The following ARSJ variants were observed in gnomAD, a reference collection of about 807,000 sequenced individuals.
ARSJ encodes arylsulfatase J.
A neutral mutation model predicts 35.9 loss-of-function variants in ARSJ; 26 were observed. The observed-to-expected ratio is 0.72, with a 90% CI of 0.53 to 1.00. The LOEUF (loss-of-function observed/expected upper bound fraction) is 1.00. Among genes scored for constraint, ARSJ ranks in the 50% least tolerant of loss-of-function variants. ARSJ has a pLI of 0.00. For synonymous variants in ARSJ, 294 were observed against 267.6 expected (o/e 1.10, Z -0.96); for missense variants, 667 against 723.6 (o/e 0.92, Z 0.90).
At chr4:113,971,677 C>G (rs1727258047) in intron 1 of ARSJ, among the ~76,000 whole-genome samples, 1 of 152,100 alleles carries the variant, frequency 6.6e-6, no homozygotes, top group African/African-American at 2.4e-5. Flanking sequence ...CTTGTTTTTC[C>G]TGAACTTCTA....
chr4:113,947,349 A>G (rs1725553513), intron 1 of ARSJ, among the ~76,000 whole-genome samples: 1 of 151,850 alleles, frequency 6.6e-6, no homozygotes, highest in African/African-American at 2.4e-5. Flanking sequence ...GTATCTTGGC[A>G]TGCACCTGTG....
intron 1 of ARSJ, among the ~76,000 whole-genome samples, chr4:113,956,959 G>A (rs1726220728): frequency 6.6e-6 from 1 of 151,976 alleles, no homozygotes; most frequent in African/African-American, 2.4e-5. Flanking sequence ...CAATTCCGGT[G>A]GCTTAATGTG....
intron 1 of ARSJ, among the ~76,000 whole-genome samples, chr4:113,920,042 A>C (rs1042284662): frequency 1.3e-5 from 2 of 152,062 alleles, no homozygotes; most frequent in Non-Finnish European, 2.9e-5. Flanking sequence ...CTATCCCTTC[A>C]CATTTTAATA....
In ARSJ at chr4:113,931,678, T is replaced by C. The variant is rs189995269; in HGVS notation, c.399-28003A>G. Among the ~76,000 whole-genome samples, 156 of 152,204 alleles carry C rather than the reference T, an allele frequency of 1.0e-3. 1 individual carries two copies. The highest frequency in any genetic ancestry group is 3.5e-3 in the African/African-American group (145 of 41,562). On this transcript the variant is annotated intron_variant, in intron 1 of 1. Coordinates refer to ENST00000315366, the MANE Select transcript of ARSJ (RefSeq NM_024590.4). ...AGCCTTACGTGCAGGCAGGACCTCA[T>C]GTCAAGGGGCTCAGGGTATTTGCAA...
intron 1 of ARSJ, among the ~76,000 whole-genome samples, chr4:113,949,433 CTA>C (rs1037805763): frequency 6.6e-6 from 1 of 152,134 alleles, no homozygotes; most frequent in Non-Finnish European, 1.5e-5. Flanking sequence ...GTACCAGAGA[CTA>C]TCTCTTTCCT....
intron 1 of ARSJ, among the ~76,000 whole-genome samples, chr4:113,916,805 T>C (rs1261019551): frequency 6.6e-6 from 1 of 152,210 alleles, no homozygotes; most frequent in East Asian, 1.9e-4. Context: ...TATGGAGGAA[T>C]GCAAAGAAAT....
chr4:113,934,793 C>G (rs1724667417), intron 1 of ARSJ, among the ~76,000 whole-genome samples: 2 of 151,564 alleles, frequency 1.3e-5, no homozygotes, highest in Admixed American at 6.6e-5. Flanking sequence ...CACATGTAGT[C>G]TGAAAATATG....
chr4:113,902,403 C>G lies in ARSJ; in HGVS notation c.1671G>C (p.Glu557Asp), dbSNP rs2099667358. Residue 557 changes from glutamate to aspartate, a missense_variant, in exon 2 of 2, where the codon GAG becomes GAC. Transcript: ENST00000315366. ...TGCTTGGCTTCTTTTTCTTGGTTTC[C>G]TCTTTATACCATGGTCCCCAGACCC... ...NGGVWGPWYK[E>D]ETKKKKPSKN... 1 of 1,613,542 alleles carries G rather than the reference C, an allele frequency of 6.2e-7. No homozygotes were observed. Among genetic ancestry groups the G allele is most frequent in the Non-Finnish European group, 8.5e-7 (1 of 1,179,896 alleles).
intron 1 of ARSJ, among the ~76,000 whole-genome samples, chr4:113,916,361 T>C (rs1156568097): frequency 6.6e-6 from 1 of 152,128 alleles, no homozygotes; most frequent in African/African-American, 2.4e-5. Flanking sequence ...GTCTTTTCAT[T>C]TATAAAGGCG....
At chr4:113,909,418 T>G (rs1490771529) in intron 1 of ARSJ, among the ~76,000 whole-genome samples, 1 of 152,162 alleles carries the variant, frequency 6.6e-6, no homozygotes, top group East Asian at 1.9e-4. Context: ...ACCTCTAATA[T>G]GGTTTGGCTG....
At chr4:113,973,780 G>A (rs1362645818) in intron 1 of ARSJ, among the ~76,000 whole-genome samples, 1 of 152,090 alleles carries the variant, frequency 6.6e-6, no homozygotes, top group Non-Finnish European at 1.5e-5. Flanking sequence ...ATTTGCATCT[G>A]TACATCTATA....
chr4:113,978,038 A>C (rs1250257955), intron 1 of ARSJ, among the ~76,000 whole-genome samples: 3 of 152,210 alleles, frequency 2.0e-5, no homozygotes, highest in African/African-American at 7.2e-5. Context: ...CAAGAGTAAA[A>C]AAAATTTTTG....
chr4:113,972,705 C>T (rs1257682278), intron 1 of ARSJ, among the ~76,000 whole-genome samples: 1 of 152,162 alleles, frequency 6.6e-6, no homozygotes, highest in African/African-American at 2.4e-5. Flanking sequence ...CACAGGGTCT[C>T]ACTATGTTGT....
rs537907407 is a variant in ARSJ at position 113,938,488 on chromosome 4, T to C, written c.399-34813A>G. Among the ~76,000 whole-genome samples the C allele has an allele frequency of 5.1e-4, 78 of 152,140 alleles. 1 individual carries two copies. Among genetic ancestry groups the C allele is most frequent in the African/African-American group, 1.6e-3 (65 of 41,524 alleles). ...TAGGACATAGGCATGGGCAAAGATTTCATGATGAAAACATCAAAAACAATT... is the reference window on the plus strand; with the variant it reads ...TAGGACATAGGCATGGGCAAAGATTCCATGATGAAAACATCAAAAACAATT... On this transcript the variant is annotated intron_variant, in intron 1 of 1. Transcript: ENST00000315366.
intron 1 of ARSJ, among the ~76,000 whole-genome samples, chr4:113,950,857 C>G (rs1433838308): frequency 6.6e-6 from 1 of 152,002 alleles, no homozygotes; most frequent in African/African-American, 2.4e-5. Flanking sequence ...AGGCAGCACC[C>G]TATTCTTAAA....
chr4:113,974,087 C>T lies in ARSJ; in HGVS notation c.398+4350G>A, dbSNP rs78891028. Among the ~76,000 whole-genome samples the T allele has an allele frequency of 9.9e-3, 1,512 of 152,110 alleles. 26 individuals are homozygous for T. Among genetic ancestry groups the T allele is most frequent in the African/African-American group, 0.035 (1,447 of 41,524 alleles). On this transcript the variant is annotated intron_variant, in intron 1 of 1. Coordinates refer to ENST00000315366, the MANE Select transcript of ARSJ (RefSeq NM_024590.4). ...ACAGTGTGGGTCAAATGGGTATACA[C>T]ATGGAAAAAATAATCTTGAACTCTC... is the stretch of plus-strand genomic sequence containing the variant.
At position 113,902,362 on chromosome 4, in the gene ARSJ, T is replaced by C; in HGVS notation, c.1712A>G (p.Lys571Arg). 1 of 1,613,780 alleles carries C rather than the reference T, an allele frequency of 6.2e-7. No individual in the cohort carries two copies. Among genetic ancestry groups the C allele is most frequent in the Non-Finnish European group, 8.5e-7 (1 of 1,179,864 alleles). Residue 571 changes from lysine to arginine, a missense_variant, in exon 2 of 2, where the codon AAA becomes AGA. Coordinates refer to ENST00000315366, the MANE Select transcript of ARSJ (RefSeq NM_024590.4). ...CTTTTTTTTGCTTTTCTTTTGCTTTTTCTCAGCCTGATTTTTGCTTGGCTT... is the reference window on the plus strand; with the variant it reads ...CTTTTTTTTGCTTTTCTTTTGCTTTCTCTCAGCCTGATTTTTGCTTGGCTT... ...KKKPSKNQAE[K>R]KQKKSKKKKK... is the part of the protein sequence containing the mutation.
intron 1 of ARSJ, among the ~76,000 whole-genome samples, chr4:113,951,947 AGTTTATT>A (rs952872101): frequency 6.6e-6 from 1 of 152,124 alleles, no homozygotes; most frequent in Middle Eastern, 3.4e-3. Flanking sequence ...CTTATCATTC[AGTTTATT>A]TTTTTTCTGA....
intron 1 of ARSJ, among the ~76,000 whole-genome samples, chr4:113,963,852 A>G (rs1307429400): frequency 1.3e-5 from 2 of 152,190 alleles, no homozygotes; most frequent in East Asian, 3.9e-4. Flanking sequence ...TATACATTTA[A>G]CCTTGGGAGT....
Sources: gnomAD v4.1 joint callset for allele counts (sites outside exome capture counted in the v4.1 genomes callset) on GRCh38, gnomAD v4.1.1 for gene constraint, MANE v1.5 for transcripts, NCBI Gene and HGNC (gene_info 2026-07-23, HGNC 2026-07-21) for gene names.